DPP10: variants seen among roughly 807,000 people sequenced by gnomAD.
The protein encoded by DPP10 is dipeptidyl peptidase like 10, also known as inactive dipeptidyl peptidase 10.
In DPP10, 33 loss-of-function variants were observed where a neutral mutation model predicts 120.9. The observed-to-expected ratio is 0.27, with a 90% CI of 0.21 to 0.37. The LOEUF is 0.37. Ranked by LOEUF, DPP10 falls within the 10% of genes least tolerant of loss-of-function variation. The pLI, the probability that DPP10 is intolerant of heterozygous loss-of-function variation, is 1.00. For synonymous variants in DPP10, 337 were observed against 326.1 expected (o/e 1.03, Z -0.36); for missense variants, 816 against 942.8 (o/e 0.87, Z 1.76).
chr2:115,267,186 A>G (rs1202179490), intron 1 of DPP10, among the ~76,000 whole-genome samples: 1 of 152,216 alleles, frequency 6.6e-6, no homozygotes, highest in Non-Finnish European at 1.5e-5. Flanking sequence ...TTATCATTTT[A>G]GAAGCAAATC....
intron 5 of DPP10, among the ~76,000 whole-genome samples, chr2:115,641,105 G>A (rs184914234): frequency 1.7e-4 from 26 of 152,144 alleles, no homozygotes; most frequent in African/African-American, 6.0e-4. Flanking sequence ...CAATTGTACT[G>A]ATTCTAATAT....
At chr2:115,791,215 A>G (rs1038855322) in intron 18 of DPP10, 36 bp downstream of exon 18, 2 of 1,607,198 alleles carry the variant, frequency 1.2e-6, no homozygotes, top group Non-Finnish European at 1.7e-6. Context: ...TTCAAGAACA[A>G]CTTTCTCTGC....
chr2:115,375,454 TG>T (rs2065721596), intron 3 of DPP10, among the ~76,000 whole-genome samples: 2 of 152,182 alleles, frequency 1.3e-5, no homozygotes, highest in Admixed American at 6.5e-5. Context: ...AACAAGTATC[TG>T]GGAAGTTCCA....
intron 1 of DPP10, among the ~76,000 whole-genome samples, chr2:114,515,706 C>T (rs982807665): frequency 6.6e-6 from 1 of 151,646 alleles, no homozygotes; most frequent in African/African-American, 2.4e-5. Context: ...AAATGGCTCT[C>T]CTCTTCTTCT....
intron 1 of DPP10, among the ~76,000 whole-genome samples, chr2:115,226,335 G>A (rs1419131194): frequency 2.6e-5 from 4 of 152,132 alleles, no homozygotes; most frequent in Admixed American, 2.0e-4. Context: ...AATGTATTCC[G>A]AACTCATTTT....
intron 1 of DPP10, among the ~76,000 whole-genome samples, chr2:114,545,000 C>T (rs554734516): frequency 1.4e-4 from 22 of 151,858 alleles, no homozygotes; most frequent in Admixed American, 6.6e-4. Flanking sequence ...TACAGGCGCC[C>T]GCCACCATGC....
intron 1 of DPP10, among the ~76,000 whole-genome samples, chr2:114,568,049 TAAAAAAA>T (rs34026877): frequency 2.4e-5 from 3 of 127,578 alleles, no homozygotes; most frequent in African/African-American, 8.8e-5. Context: ...AGAGATACTG[TAAAAAAA>T]AAAAAAAAAA....
intron 1 of DPP10, among the ~76,000 whole-genome samples, chr2:115,010,572 A>G (rs1358952771): frequency 6.6e-6 from 1 of 152,192 alleles, no homozygotes; most frequent in African/African-American, 2.4e-5. Context: ...TCTGTAGAAC[A>G]TAATCACCAA....
At chr2:115,004,626 G>A (rs983925059) in intron 1 of DPP10, among the ~76,000 whole-genome samples, 10 of 152,134 alleles carry the variant, frequency 6.6e-5, no homozygotes, top group South Asian at 4.1e-4. Context: ...CTGGAAAATC[G>A]GGTCACTCCC....
intron 1 of DPP10, among the ~76,000 whole-genome samples, chr2:115,000,224 A>G (rs750630584): frequency 6.6e-5 from 10 of 151,894 alleles, no homozygotes; most frequent in Non-Finnish European, 1.2e-4. Context: ...TAATTCCTAT[A>G]TATGTGCTTT....
chr2:115,713,196 T>C (rs184128389), intron 7 of DPP10, among the ~76,000 whole-genome samples: 1 of 152,208 alleles, frequency 6.6e-6, no homozygotes, highest in East Asian at 1.9e-4. Flanking sequence ...TGTGAGTTGA[T>C]AAGCAGCAGT....
At chr2:115,462,415 T>C (rs1418134792) in intron 3 of DPP10, among the ~76,000 whole-genome samples, 2 of 152,182 alleles carry the variant, frequency 1.3e-5, no homozygotes, top group Non-Finnish European at 2.9e-5. Flanking sequence ...AAATTGGTTA[T>C]GTGAACTCCT....
At chr2:114,459,557 G>T (rs1254826265) in intron 1 of DPP10, among the ~76,000 whole-genome samples, 2 of 152,236 alleles carry the variant, frequency 1.3e-5, no homozygotes, top group South Asian at 4.1e-4. Context: ...TACATGCAAA[G>T]CTGATGGGGT....
intron 3 of DPP10, among the ~76,000 whole-genome samples, chr2:115,483,868 T>A (rs950920640): frequency 1.3e-5 from 2 of 152,202 alleles, no homozygotes; most frequent in African/African-American, 4.8e-5. Flanking sequence ...CTCAGCAGTG[T>A]CAGACTGATC....
intron 1 of DPP10, among the ~76,000 whole-genome samples, chr2:114,920,091 T>G (rs1237222535): frequency 3.3e-5 from 5 of 152,018 alleles, no homozygotes; most frequent in African/African-American, 4.8e-5. Flanking sequence ...ATTCAGGGAG[T>G]TTTGAGAAAT....
chr2:115,171,729 C>CAA (rs368009675), intron 1 of DPP10, among the ~76,000 whole-genome samples: 2 of 141,760 alleles, frequency 1.4e-5, no homozygotes, highest in South Asian at 2.3e-4. Flanking sequence ...AAAAAAAAAA[C>CAA]AAAAAAAAAA....
chr2:115,761,907 T>C lies in DPP10; in HGVS notation c.1075-665T>C, dbSNP rs546353742. Among the ~76,000 whole-genome samples the C allele has an allele frequency of 5.9e-5, 9 of 152,272 alleles. No homozygotes were observed. In the East Asian group the frequency reaches 1.5e-3, roughly 26 times the overall value. ...TATAGAATCATTTCTTTCAGAAAAC[T>C]GCAAGATATTTCATGTCATTACATG... On this transcript the variant is annotated intron_variant, in intron 11 of 25. Coordinates refer to ENST00000410059, the MANE Select transcript of DPP10 (RefSeq NM_020868.6).
chr2:114,957,747 T>C (rs1303375473), intron 1 of DPP10, among the ~76,000 whole-genome samples: 1 of 152,200 alleles, frequency 6.6e-6, no homozygotes, highest in Non-Finnish European at 1.5e-5. Flanking sequence ...CATATATCAA[T>C]TAAAAATGTA....
intron 3 of DPP10, among the ~76,000 whole-genome samples, chr2:115,433,259 A>G (rs143796161): frequency 1.4e-3 from 218 of 152,220 alleles, no homozygotes; most frequent in African/African-American, 5.0e-3. Context: ...TTAGCAATGT[A>G]TAGATACAAT....
Sources: gnomAD v4.1 joint callset for allele counts (sites outside exome capture counted in the v4.1 genomes callset) on GRCh38, gnomAD v4.1.1 for gene constraint, MANE v1.5 for transcripts, NCBI Gene and HGNC (gene_info 2026-07-23, HGNC 2026-07-21) for gene names.